PTMS: variants seen among roughly 807,000 people sequenced by gnomAD.
The protein encoded by PTMS is parathymosin.
PTMS carries 5 observed loss-of-function variants against 18.4 expected under a neutral mutation model. That is an observed-to-expected ratio of 0.27 (90% CI 0.14 to 0.57). PTMS has a LOEUF of 0.57. Ranked by LOEUF, PTMS falls within the 20% of genes least tolerant of loss-of-function variation. PTMS has a pLI of 0.92. For missense variants in PTMS, 93 were observed against 124.6 expected (o/e 0.75, Z 1.21); for synonymous variants, 53 against 47.7 (o/e 1.11, Z -0.46).
At chr12:6,766,933 C>T (rs1030029557) in intron 1 of PTMS, among the ~76,000 whole-genome samples, 183 bp downstream of exon 1, 4 of 151,458 alleles carry the variant, frequency 2.6e-5, no homozygotes, top group African/African-American at 9.7e-5. Flanking sequence ...CGGCTAGCGC[C>T]AGCGCCCTCT....
Position 6,766,496 on chromosome 12 carries a change from T to A in PTMS, c.-210T>A. 1 of 277,212 alleles carries A rather than the reference T, an allele frequency of 3.6e-6. No individual in the cohort carries two copies. The highest frequency in any genetic ancestry group is 7.2e-6 in the Non-Finnish European group (1 of 138,456). 17.2% of individuals were successfully genotyped at this position (277,212 alleles called of 1,614,324 possible). A position where few individuals can be genotyped will look rare whatever the true frequency, so the allele number is the denominator to read the frequency against. On this transcript the variant is annotated 5_prime_UTR_variant, in exon 1 of 5. Coordinates refer to ENST00000309083, the MANE Select transcript of PTMS (RefSeq NM_002824.6). Reference sequence around the variant, plus strand: ...CCGGACGGCCGCAGCCCTGCGGGTCTCCGCTCCAGACCCACCCCCGCCCCA... The same window carrying A: ...CCGGACGGCCGCAGCCCTGCGGGTCACCGCTCCAGACCCACCCCCGCCCCA...
In PTMS at chr12:6,766,510, A is replaced by ACCCCCCCCCCCCCCCCCCCCCCCCCC; in HGVS notation, c.-191_-190insCCCCCCCCCCCCCCCCCCCCCCCCCC. The ACCCCCCCCCCCCCCCCCCCCCCCCCC allele has an allele frequency of 7.2e-6, 1 of 139,700 alleles. No individual in the cohort carries two copies. Among genetic ancestry groups the ACCCCCCCCCCCCCCCCCCCCCCCCCC allele is most frequent in the Non-Finnish European group, 1.5e-5 (1 of 66,456 alleles). 8.7% of individuals were successfully genotyped at this position (139,700 alleles called of 1,614,324 possible). Reference sequence around the variant, plus strand: ...CCCTGCGGGTCTCCGCTCCAGACCCACCCCCGCCCCACCCCGCGCGCCTCT... The same window carrying ACCCCCCCCCCCCCCCCCCCCCCCCCC: ...CCCTGCGGGTCTCCGCTCCAGACCCACCCCCCCCCCCCCCCCCCCCCCCCCCCCCCCGCCCCACCCCGCGCGCCTCT... On this transcript the variant is annotated 5_prime_UTR_variant, in exon 1 of 5. Coordinates refer to ENST00000309083, the MANE Select transcript of PTMS (RefSeq NM_002824.6).
Position 6,770,595 on chromosome 12 carries a change from G to T in PTMS, c.*153G>T. ...CTTTCTCCCCAGCCTTCTCATTTCC[G>T]CCTCTCCAGACACTGCGCCCTCCAC... On this transcript the variant is annotated 3_prime_UTR_variant, in exon 5 of 5. Transcript: ENST00000309083. This position sits in a 1 kb window ranked among gnomAD's most constrained non-coding sequence, Gnocchi z 7.3. 1 of 887,860 alleles carries T rather than the reference G, an allele frequency of 1.1e-6. No individual in the cohort carries two copies. The highest frequency in any genetic ancestry group is 1.6e-5 in the South Asian group (1 of 63,918). 55.0% of individuals were successfully genotyped at this position (887,860 alleles called of 1,614,324 possible). A position where few individuals can be genotyped will look rare whatever the true frequency, so the allele number is the denominator to read the frequency against.
Position 6,770,296 on chromosome 12 carries a change from T to C in PTMS, c.258+78T>C. 6.2e-7 allele frequency: 1 copy of C among 1,608,166 alleles called. No individual in the cohort carries two copies. Among genetic ancestry groups the C allele is most frequent in the African/African-American group, 1.3e-5 (1 of 74,854 alleles). ...GGCGCCCTTTGGATTTGGACCCAGA[T>C]CCCTGTGTGGCAGGGGTGGGGGCTG... On this transcript the variant is annotated intron_variant, in intron 4 of 4. Transcript: ENST00000309083. This position sits in a 1 kb window ranked among gnomAD's most constrained non-coding sequence, Gnocchi z 7.3.
chr12:6,766,723 G>A lies in PTMS; in HGVS notation c.18G>A (p.Val6=). 9.0e-7 allele frequency: 1 copy of A among 1,114,536 alleles called. No individual in the cohort carries two copies. The highest frequency in any genetic ancestry group is 1.1e-6 in the Non-Finnish European group (1 of 913,048). 69.0% of individuals were successfully genotyped at this position (1,114,536 alleles called of 1,614,324 possible). A position where few individuals can be genotyped will look rare whatever the true frequency, so the allele number is the denominator to read the frequency against. ...CCGGCACCATGTCGGAGAAAAGCGT[G>A]GAGGCAGCGGCCGAGTTGAGCGCCA... The part of the protein sequence containing the change: MSEKS[V]EAAAELSAKD... The change falls in exon 1 of 5, where the codon GTG becomes GTA. Residue 6 remains valine (V), a synonymous_variant. Coordinates refer to ENST00000309083, the MANE Select transcript of PTMS (RefSeq NM_002824.6).
chr12:6,770,543 G>T lies in PTMS; in HGVS notation c.*101G>T, dbSNP rs1592493534. 1.5e-6 allele frequency: 2 copies of T among 1,367,172 alleles called. No homozygotes were observed. The highest frequency in any genetic ancestry group is 2.1e-6 in the Non-Finnish European group (2 of 959,658). The allele number at this position is 1,367,172 out of a possible 1,614,324, so 84.7% of individuals were successfully genotyped here. ...CTCTTCACCTGGCTCCCTGCTCTGGGCCCTGCACCAGAGCTGCCACCCTCT... is the reference window on the plus strand; with the variant it reads ...CTCTTCACCTGGCTCCCTGCTCTGGTCCCTGCACCAGAGCTGCCACCCTCT... On this transcript the variant is annotated 3_prime_UTR_variant, in exon 5 of 5. Coordinates refer to ENST00000309083, the MANE Select transcript of PTMS (RefSeq NM_002824.6). The surrounding 1 kb of genome is among the most constrained non-coding windows in gnomAD (Gnocchi z 7.3).
chr12:6,767,331 A>T (rs1490512256), intron 1 of PTMS: 1 of 151,762 alleles, frequency 6.6e-6, no homozygotes, highest in Non-Finnish European at 1.5e-5. Flanking sequence ...CCCTTCCCGC[A>T]TACACACTGA....
chr12:6,767,602 G>GGC (rs1555110933), intron 1 of PTMS: 2 of 139,928 alleles, frequency 1.4e-5, no homozygotes, highest in South Asian at 4.8e-4. Flanking sequence ...GTATGGCGGG[G>GGC]GGGGGGGGCG....
chr12:6,770,326 A>G lies in PTMS; in HGVS notation c.259-66A>G. 1 of 1,608,466 alleles carries G rather than the reference A, an allele frequency of 6.2e-7. No individual in the cohort carries two copies. Among genetic ancestry groups the G allele is most frequent in the Non-Finnish European group, 8.5e-7 (1 of 1,174,932 alleles). ...GTGTGGCAGGGGTGGGGGCTGGAAC[A>G]GGACCGGGACAGGGGGAGGTCTCCC... On this transcript the variant is annotated intron_variant, in intron 4 of 4. Transcript: ENST00000309083. The surrounding 1 kb of genome is among the most constrained non-coding windows in gnomAD (Gnocchi z 7.3).
chr12:6,767,169 C>G (rs1941777121), intron 1 of PTMS: 1 of 152,094 alleles, frequency 6.6e-6, no homozygotes, highest in Admixed American at 6.5e-5. Flanking sequence ...TTGAGATCCT[C>G]AAGTGTAAAC....
At chr12:6,766,862 G>A (rs1281549866) in intron 1 of PTMS, 112 bp downstream of exon 1, 4 of 700,494 alleles carry the variant, frequency 5.7e-6, no homozygotes, top group East Asian at 1.2e-4. Flanking sequence ...CCCGGGTCCT[G>A]GCGGACCCCA....
chr12:6,768,754 G>A (rs547509452), intron 1 of PTMS, among the ~76,000 whole-genome samples: 3 of 152,230 alleles, frequency 2.0e-5, no homozygotes, highest in Non-Finnish European at 2.9e-5. Context: ...AGGATCTTGG[G>A]GTGAAGGAGA....
In PTMS at chr12:6,770,267, G is replaced by C; in HGVS notation, c.258+49G>C. 2 of 1,612,278 alleles carry C rather than the reference G, an allele frequency of 1.2e-6. No homozygotes were observed. Among genetic ancestry groups the C allele is most frequent in the Non-Finnish European group, 1.7e-6 (2 of 1,178,314 alleles). On this transcript the variant is annotated intron_variant, in intron 4 of 4. Transcript: ENST00000309083. This position sits in a 1 kb window ranked among gnomAD's most constrained non-coding sequence, Gnocchi z 7.3. Reference sequence around the variant, plus strand: ...GAGGGGCTGTCAGGGATGCAGCCGGGCTGGGCGCCCTTTGGATTTGGACCC... The same window carrying C: ...GAGGGGCTGTCAGGGATGCAGCCGGCCTGGGCGCCCTTTGGATTTGGACCC...
chr12:6,766,585 TCGC>T lies in PTMS; in HGVS notation c.-107_-105del, dbSNP rs765644791. ...TGCCGAGCGGCCGCCGCTGCCGCTG[TCGC>T]CGCCGCCGCCGCCACCGCGCCAGGT... On this transcript the variant is annotated 5_prime_UTR_variant, in exon 1 of 5. Transcript: ENST00000309083. 305 of 462,866 alleles carry T rather than the reference TCGC, an allele frequency of 6.6e-4. No homozygotes were observed. Among genetic ancestry groups the T allele is most frequent in the South Asian group, 1.9e-3 (49 of 26,056 alleles). 28.7% of individuals were successfully genotyped at this position (462,866 alleles called of 1,614,324 possible).
chr12:6,769,721 C>G, intron 2 of PTMS, 47 bp downstream of exon 2: 4 of 1,608,648 alleles, frequency 2.5e-6, no homozygotes, highest in Non-Finnish European at 3.4e-6. Flanking sequence ...ACCATCTTCC[C>G]TCCCAATCAT....
At chr12:6,769,552 G>C (rs1941810931) in intron 1 of PTMS, 51 bp from the exon 2 acceptor site, 1 of 1,590,488 alleles carries the variant, frequency 6.3e-7, no homozygotes, top group Non-Finnish European at 8.6e-7. Context: ...CAGGGACTTA[G>C]GGGCTGCAAG....
In PTMS at chr12:6,770,463, G is replaced by A; in HGVS notation, c.*21G>A. ...CGTGAGCCCCTGCCAACAGGCTGGG[G>A]TTGGGAGGCCTCTCTGGGCCTGGAG... On this transcript the variant is annotated 3_prime_UTR_variant, in exon 5 of 5. Coordinates refer to ENST00000309083, the MANE Select transcript of PTMS (RefSeq NM_002824.6). This position sits in a 1 kb window ranked among gnomAD's most constrained non-coding sequence, Gnocchi z 7.3. 1 of 1,608,672 alleles carries A rather than the reference G, an allele frequency of 6.2e-7. No individual in the cohort carries two copies. Among genetic ancestry groups the A allele is most frequent in the South Asian group, 1.1e-5 (1 of 90,934 alleles).
chr12:6,770,404 C>A lies in PTMS; in HGVS notation c.271C>A (p.Pro91Thr). 1 of 1,613,712 alleles carries A rather than the reference C, an allele frequency of 6.2e-7. No individual in the cohort carries two copies. Among genetic ancestry groups the A allele is most frequent in the Non-Finnish European group, 8.5e-7 (1 of 1,179,878 alleles). ...RAAEEEDEAD[P>T]KRQKTENGAS... ...TCCCTCTCCACAGGATGAAGCGGAT[C>A]CCAAACGGCAGAAGACAGAAAATGG... Residue 91 changes from proline to threonine, a missense_variant, in exon 5 of 5, where the codon CCC becomes ACC. Physicochemically the swap from Pro to Thr is conservative, Grantham distance 38. Coordinates refer to ENST00000309083, the MANE Select transcript of PTMS (RefSeq NM_002824.6). The surrounding 1 kb of genome is among the most constrained non-coding windows in gnomAD (Gnocchi z 7.3).
At position 6,766,635 on chromosome 12, in the gene PTMS, C is replaced by A; in HGVS notation, c.-71C>A. 1 of 936,780 alleles carries A rather than the reference C, an allele frequency of 1.1e-6. No homozygotes were observed. Among genetic ancestry groups the A allele is most frequent in the Non-Finnish European group, 1.3e-6 (1 of 764,168 alleles). 58.0% of individuals were successfully genotyped at this position (936,780 alleles called of 1,614,324 possible). A position where few individuals can be genotyped will look rare whatever the true frequency, so the allele number is the denominator to read the frequency against. On this transcript the variant is annotated 5_prime_UTR_variant, in exon 1 of 5. Coordinates refer to ENST00000309083, the MANE Select transcript of PTMS (RefSeq NM_002824.6). ...AGGTTCCGGCCGCGGCCACCCTCCGCCGTCCAGGGCCCCTCCGTCTCGGCC... is the reference window on the plus strand; with the variant it reads ...AGGTTCCGGCCGCGGCCACCCTCCGACGTCCAGGGCCCCTCCGTCTCGGCC...
Sources: allele counts gnomAD v4.1 joint callset (sites outside exome capture counted in the v4.1 genomes callset), GRCh38; gene constraint gnomAD v4.1.1; non-coding constraint Gnocchi (gnomAD v3.1); transcripts MANE v1.5; gene names NCBI Gene and HGNC (gene_info 2026-07-23, HGNC 2026-07-21).